Variants in GULP1 observed in about 807,000 individuals in gnomAD.
The protein encoded by GULP1 is PTB domain-containing engulfment adapter protein 1.
A neutral mutation model predicts 40.9 loss-of-function variants in GULP1; 19 were observed. The ratio of observed to expected loss-of-function variants is 0.46; its 90% CI spans 0.32 to 0.68. The LOEUF (loss-of-function observed/expected upper bound fraction) is 0.68. Among genes scored for constraint, GULP1 ranks in the 30% least tolerant of loss-of-function variants. GULP1 has a pLI of 0.03. For synonymous variants in GULP1, 119 were observed against 117.6 expected (o/e 1.01, Z -0.08); for missense variants, 312 against 362.2 (o/e 0.86, Z 1.12).
chr2:188,314,971 A>T (rs1574342553), intron 1 of GULP1, among the ~76,000 whole-genome samples: 1 of 152,046 alleles, frequency 6.6e-6, no homozygotes, highest in East Asian at 1.9e-4. Context: ...TGATCAGGTA[A>T]CCCTTATTTT....
chr2:188,298,560 A>G (rs372010393), intron 1 of GULP1, among the ~76,000 whole-genome samples: 40 of 152,250 alleles, frequency 2.6e-4, no homozygotes, highest in African/African-American at 8.7e-4. Context: ...ATTTTTATGA[A>G]TTATTTTTTC....
chr2:188,312,316 T>G (rs2038306267), intron 1 of GULP1, among the ~76,000 whole-genome samples: 1 of 152,066 alleles, frequency 6.6e-6, no homozygotes, highest in South Asian at 2.1e-4. Context: ...TCATCCCCCA[T>G]CCACCAACAG....
intron 2 of GULP1, among the ~76,000 whole-genome samples, chr2:188,461,833 T>C (rs1255882574): frequency 6.6e-6 from 1 of 152,186 alleles, no homozygotes; most frequent in Non-Finnish European, 1.5e-5. Flanking sequence ...CTCTGTTTTT[T>C]CTTAGTCTGG....
At chr2:188,534,339 C>G (rs917116009) in intron 6 of GULP1, among the ~76,000 whole-genome samples, 2 of 151,948 alleles carry the variant, frequency 1.3e-5, no homozygotes, top group Admixed American at 1.3e-4. Flanking sequence ...CCTTTTGCAG[C>G]AACATGGATG....
chr2:188,475,569 T>A (rs2060944186), intron 2 of GULP1, among the ~76,000 whole-genome samples: 1 of 152,138 alleles, frequency 6.6e-6, no homozygotes, highest in South Asian at 2.1e-4. Flanking sequence ...CACCTCATAG[T>A]GATGAAATTT....
At chr2:188,489,225 C>T (rs1171704215) in intron 4 of GULP1, among the ~76,000 whole-genome samples, 1 of 152,024 alleles carries the variant, frequency 6.6e-6, no homozygotes, top group Non-Finnish European at 1.5e-5. Flanking sequence ...AGGTACACCT[C>T]TGTAATCGAT....
intron 9 of GULP1, among the ~76,000 whole-genome samples, chr2:188,579,984 A>T (rs1387334727): frequency 1.3e-5 from 2 of 152,222 alleles, no homozygotes. Flanking sequence ...TTAATATCTT[A>T]TCTTTACTCA....
At chr2:188,431,225 G>C (rs375939109) in intron 2 of GULP1, among the ~76,000 whole-genome samples, 1 of 152,062 alleles carries the variant, frequency 6.6e-6, no homozygotes, top group Admixed American at 6.5e-5. Context: ...GAGGAAAACC[G>C]TGTCTTTTTA....
intron 1 of GULP1, among the ~76,000 whole-genome samples, chr2:188,347,614 A>ATTTTT (rs10627846): frequency 2.2e-5 from 3 of 135,292 alleles, no homozygotes; most frequent in Admixed American, 7.5e-5. Context: ...ATCTCAAAGC[A>ATTTTT]TTTTTTTTTT....
At chr2:188,532,924 A>G (rs1575836104) in intron 6 of GULP1, among the ~76,000 whole-genome samples, 2 of 152,154 alleles carry the variant, frequency 1.3e-5, no homozygotes, top group Admixed American at 6.5e-5. Context: ...GTCTCACATA[A>G]AAAAGAAAAG....
At chr2:188,307,439 AT>A (rs11290740) in intron 1 of GULP1, among the ~76,000 whole-genome samples, 25,286 of 149,534 alleles carry the variant, frequency 0.17, 2,329 homozygotes, top group African/African-American at 0.23. Context: ...CTTTTTCGAG[AT>A]TTTTTTTTTT....
At chr2:188,474,526 G>C (rs1363906579) in intron 2 of GULP1, among the ~76,000 whole-genome samples, 1 of 152,158 alleles carries the variant, frequency 6.6e-6, no homozygotes, top group East Asian at 1.9e-4. Flanking sequence ...GGATAACACT[G>C]AGTTGAACGC....
At chr2:188,514,600 A>G (rs913294375) in intron 4 of GULP1, among the ~76,000 whole-genome samples, 30 of 152,356 alleles carry the variant, frequency 2.0e-4, no homozygotes, top group African/African-American at 7.2e-4. Flanking sequence ...ATGAAGCAAA[A>G]TAGTCTGAAA....
At chr2:188,316,832 C>T (rs2039157436) in intron 1 of GULP1, among the ~76,000 whole-genome samples, 2 of 152,010 alleles carry the variant, frequency 1.3e-5, no homozygotes, top group South Asian at 4.1e-4. Context: ...TGTTTATATT[C>T]CTAGGAACCC....
At chr2:188,506,172 A>G (rs886332759) in intron 4 of GULP1, among the ~76,000 whole-genome samples, 8 of 151,830 alleles carry the variant, frequency 5.3e-5, no homozygotes, top group Non-Finnish European at 1.0e-4. Flanking sequence ...TTTGTCTTTT[A>G]ATTTTAACTA....
intron 3 of GULP1, 22 bp from the exon 4 acceptor site, chr2:188,483,409 C>T: frequency 7.5e-7 from 1 of 1,341,450 alleles, no homozygotes; most frequent in Admixed American, 1.7e-5. Flanking sequence ...TAAAATTTAA[C>T]TCTGTGTATT....
intron 2 of GULP1, among the ~76,000 whole-genome samples, chr2:188,454,165 C>T (rs2059064931): frequency 6.6e-6 from 1 of 152,170 alleles, no homozygotes; most frequent in African/African-American, 2.4e-5. Context: ...TCCAAGAAGA[C>T]TAAGGATATG....
At chr2:188,533,411 A>G (rs540981970) in intron 6 of GULP1, among the ~76,000 whole-genome samples, 2 of 152,224 alleles carry the variant, frequency 1.3e-5, no homozygotes, top group South Asian at 4.1e-4. Flanking sequence ...TGGTGCTGGG[A>G]TACCTGGCTA....
intron 4 of GULP1, among the ~76,000 whole-genome samples, chr2:188,488,118 C>T (rs529455526): frequency 4.5e-4 from 68 of 152,102 alleles, no homozygotes; most frequent in African/African-American, 1.6e-3. Context: ...TTAACTAAAC[C>T]TGCCCAATAG....
Sources: gnomAD v4.1 joint callset for allele counts (sites outside exome capture counted in the v4.1 genomes callset) on GRCh38, gnomAD v4.1.1 for gene constraint, MANE v1.5 for transcripts, NCBI Gene and HGNC (gene_info 2026-07-23, HGNC 2026-07-21) for gene names.